The following EIF2B3 variants were observed in gnomAD, a reference collection of about 807,000 sequenced individuals.
The protein encoded by EIF2B3 is eukaryotic translation initiation factor 2B subunit gamma.
Under a neutral mutation model 54.1 loss-of-function variants are expected in EIF2B3, and 20 were observed. The observed-to-expected ratio is 0.37, with a 90% CI of 0.26 to 0.54. The LOEUF is 0.54. Among genes scored for constraint, EIF2B3 ranks in the 20% least tolerant of loss-of-function variants. The pLI, the probability that EIF2B3 is intolerant of heterozygous loss-of-function variation, is 0.86. For synonymous variants in EIF2B3, 153 were observed against 188.1 expected (o/e 0.81, Z 1.52); for missense variants, 448 against 547.8 (o/e 0.82, Z 1.82).
At chr1:44,921,036 CA>C (rs1643729188) in intron 5 of EIF2B3, among the ~76,000 whole-genome samples, 1 of 152,216 alleles carries the variant, frequency 6.6e-6, no homozygotes, top group South Asian at 2.1e-4. Context: ...CCTTTCTCTA[CA>C]ACCTTGCCAG....
chr1:44,947,515 C>T (rs142634171), intron 3 of EIF2B3, among the ~76,000 whole-genome samples: 4 of 151,928 alleles, frequency 2.6e-5, no homozygotes, highest in South Asian at 2.1e-4. Flanking sequence ...AGTGGTGGGG[C>T]GGGAGGTGAG....
intron 1 of EIF2B3, among the ~76,000 whole-genome samples, chr1:44,983,589 G>A (rs887417832): frequency 6.6e-6 from 1 of 152,168 alleles, no homozygotes; most frequent in Non-Finnish European, 1.5e-5. Flanking sequence ...GTCAAAAGAT[G>A]AGCTGGACGT....
At chr1:44,874,878 A>C in intron 9 of EIF2B3, 52 bp from the exon 10 acceptor site, 1 of 1,610,664 alleles carries the variant, frequency 6.2e-7, no homozygotes, top group Non-Finnish European at 8.5e-7. Context: ...CCAACTGCAA[A>C]CCACCCTCCA....
intron 4 of EIF2B3, among the ~76,000 whole-genome samples, chr1:44,940,004 A>C (rs1438059916): frequency 6.6e-6 from 1 of 152,214 alleles, no homozygotes; most frequent in Non-Finnish European, 1.5e-5. Context: ...AAGACTGATC[A>C]GCATGAGTAT....
At chr1:44,878,668 C>T (rs1474340897) in intron 8 of EIF2B3, among the ~76,000 whole-genome samples, 2 of 152,108 alleles carry the variant, frequency 1.3e-5, no homozygotes, top group Non-Finnish European at 2.9e-5. Context: ...GGAGCAATGT[C>T]AATAACTAAT....
intron 11 of EIF2B3, 113 bp downstream of exon 11, chr1:44,857,591 T>C: frequency 4.0e-6 from 4 of 1,002,738 alleles, no homozygotes; most frequent in Non-Finnish European, 6.3e-6. Context: ...TCAATTTATG[T>C]TCTCGCCCGC....
At chr1:44,933,642 TA>T (rs993464682) in intron 4 of EIF2B3, among the ~76,000 whole-genome samples, 1 of 152,060 alleles carries the variant, frequency 6.6e-6, no homozygotes, top group Non-Finnish European at 1.5e-5. Context: ...TTGATAAAGA[TA>T]AAAACTAAAT....
chr1:44,863,999 C>T (rs1654691361), intron 10 of EIF2B3, among the ~76,000 whole-genome samples: 1 of 152,166 alleles, frequency 6.6e-6, no homozygotes, highest in African/African-American at 2.4e-5. Flanking sequence ...CCTTTTAGTT[C>T]TGTATGCCCC....
intron 6 of EIF2B3, among the ~76,000 whole-genome samples, chr1:44,890,610 T>G (rs1034842638): frequency 6.6e-6 from 1 of 152,202 alleles, no homozygotes; most frequent in African/African-American, 2.4e-5. Context: ...ATAAACTGCT[T>G]TGACTTTCGA....
At chr1:44,952,531 C>A (rs1225070533) in intron 3 of EIF2B3, among the ~76,000 whole-genome samples, 1 of 150,354 alleles carries the variant, frequency 6.7e-6, no homozygotes, top group East Asian at 1.9e-4. Flanking sequence ...TCTGCCTGTA[C>A]AATAAATTAA....
chr1:44,913,607 G>A (rs1643560382), intron 5 of EIF2B3, among the ~76,000 whole-genome samples: 1 of 152,084 alleles, frequency 6.6e-6, no homozygotes, highest in African/African-American at 2.4e-5. Flanking sequence ...TGAGTGCAAG[G>A]GATCTTCCCG....
chr1:44,875,538 C>T, intron 9 of EIF2B3, 80 bp downstream of exon 9: 2 of 1,356,504 alleles, frequency 1.5e-6, no homozygotes, highest in South Asian at 1.2e-5. Context: ...GACTTAAAGG[C>T]CTCAATCCGG....
chr1:44,896,793 G>C (rs1655986930), intron 6 of EIF2B3, among the ~76,000 whole-genome samples: 1 of 152,184 alleles, frequency 6.6e-6, no homozygotes, highest in Non-Finnish European at 1.5e-5. Context: ...ACAATCTCTG[G>C]AAACTATTTA....
At chr1:44,943,753 C>T (rs72885257) in intron 3 of EIF2B3, among the ~76,000 whole-genome samples, 11,674 of 152,078 alleles carry the variant, frequency 0.077, 1,526 homozygotes, top group African/African-American at 0.27. Context: ...ACTTTACCAA[C>T]GAAGAAACAG....
At chr1:44,923,015 C>G (rs1206045514) in intron 5 of EIF2B3, among the ~76,000 whole-genome samples, 1 of 151,554 alleles carries the variant, frequency 6.6e-6, no homozygotes, top group Non-Finnish European at 1.5e-5. Context: ...CTGGCTAATT[C>G]TTTTTCAGAT....
At chr1:44,981,261 T>G in intron 1 of EIF2B3, 84 bp from the exon 2 acceptor site, 2 of 1,416,008 alleles carry the variant, frequency 1.4e-6, no homozygotes, top group South Asian at 1.2e-5. Flanking sequence ...TATTTTTATT[T>G]AGGTTACTGA....
Position 44,874,793 on chromosome 1 carries a change from G to C in EIF2B3, c.1087C>G (p.Gln363Glu), listed in dbSNP as rs1194628597. The C allele has an allele frequency of 1.9e-6, 3 of 1,613,964 alleles. No individual in the cohort carries two copies. The African/African-American group carries it at 4.0e-5, about 22-fold the overall frequency. ...TTAATGGATGACTTCTCTCCAATCT[G>C]TGTCTCTGGCCCAATGAGGCTGTCA... ...GVDSLIGPET[Q>E]IGEKSSIKRS... is the part of the protein sequence containing the mutation. Residue 363 changes from glutamine to glutamate, a missense_variant, in exon 10 of 12, where the codon CAG becomes GAG. By Grantham distance (29) the Gln-to-Glu change is conservative (BLOSUM62 2). This residue lies in a region of EIF2B3 where 350 missense variants were observed against 414.2 expected (regional missense o/e 0.85). Transcript: ENST00000360403.
At position 44,881,405 on chromosome 1, in the gene EIF2B3, T is replaced by C. The variant is rs1030562142; in HGVS notation, c.784+207A>G. The stretch of plus-strand genomic sequence containing the variant: ...CAGAGAATGGGGCTGGAGGCATGAT[T>C]AGCCTGTTGCCGAGAGCACAGTGGC... On this transcript the variant is annotated intron_variant, in intron 7 of 11. Transcript: ENST00000360403. This position sits in a 1 kb window ranked among gnomAD's most constrained non-coding sequence, Gnocchi z 4.0. Among the ~76,000 whole-genome samples, 1 of 152,198 alleles carries C rather than the reference T, an allele frequency of 6.6e-6. No homozygotes were observed. Among genetic ancestry groups the C allele is most frequent in the African/African-American group, 2.4e-5 (1 of 41,442 alleles).
intron 5 of EIF2B3, among the ~76,000 whole-genome samples, chr1:44,921,266 C>T (rs975384785): frequency 1.2e-4 from 18 of 150,810 alleles, no homozygotes; most frequent in African/African-American, 4.1e-4. Context: ...GTTGTTTGAG[C>T]TCCTTCTATA....
Sources: gnomAD v4.1 joint callset for allele counts (sites outside exome capture counted in the v4.1 genomes callset) on GRCh38, gnomAD v4.1.1 for gene constraint, gnomAD v4.1.1 regional missense constraint, Gnocchi (gnomAD v3.1) non-coding constraint, MANE v1.5 for transcripts, NCBI Gene and HGNC (gene_info 2026-07-23, HGNC 2026-07-21) for gene names.